Variants in METTL3 observed in about 807,000 individuals in gnomAD.
METTL3 encodes N(6)-adenosine-methyltransferase catalytic subunit METTL3.
In METTL3, 42 loss-of-function variants were observed where a neutral mutation model predicts 64.3. The ratio of observed to expected loss-of-function variants is 0.65; its 90% CI spans 0.51 to 0.84. The LOEUF is 0.84. METTL3 is among the 40% of genes least tolerant of loss of function. The pLI, the probability that METTL3 is intolerant of heterozygous loss-of-function variation, is 0.00. For missense variants in METTL3, 435 were observed against 722.3 expected (o/e 0.60, Z 4.56); for synonymous variants, 256 against 263.6 (o/e 0.97, Z 0.28).
chr14:21,507,835 A>G (rs1287343575), intron 1 of METTL3: 1 of 152,226 alleles, frequency 6.6e-6, no homozygotes, highest in African/African-American at 2.4e-5. Context: ...TAACACAGAA[A>G]GAACAGTGAC....
Position 21,501,075 on chromosome 14 carries a change from A to G in METTL3, c.954T>C (p.Asn318=), listed in dbSNP as rs969614312. 7 of 1,614,032 alleles carry G rather than the reference A, an allele frequency of 4.3e-6. No homozygotes were observed. The highest frequency in any genetic ancestry group is 2.2e-5 in the East Asian group (1 of 44,902). ...TGCAGGTATCCATGTGGAAACATGT[A>G]TTAAGGAAAGAGCAGTCACCTAAAG... is the stretch of plus-strand genomic sequence containing the variant. ...DESLGDCSFL[N]TCFHMDTCKY... is the part of the protein sequence containing the mutation. Residue 318 remains asparagine (N), a synonymous_variant, in exon 5 of 11, where the codon AAT becomes AAC. Transcript: ENST00000298717.
In METTL3 at chr14:21,503,433, CAG is replaced by C; in HGVS notation, c.461_462del (p.Ser154CysfsTer68). The C allele has an allele frequency of 6.2e-7, 1 of 1,614,118 alleles. No homozygotes were observed. The highest frequency in any genetic ancestry group is 8.5e-7 in the Non-Finnish European group (1 of 1,180,034). On this transcript the variant is annotated frameshift_variant, in exon 3 of 11. Transcript: ENST00000298717. LOFTEE classifies it high-confidence loss of function. ...TTTTCTGCCACAGCACCCATCATGG[CAG>C]AGAGCTTGGAATGGTCAGCATAGGT... ...LVTYADHSKL[S>X]AMMGAVAEKK...
chr14:21,503,318 G>A lies in METTL3; in HGVS notation c.578C>T (p.Ser193Leu), dbSNP rs990906526. Residue 193 changes from serine (S) to leucine (L), a missense_variant, in exon 3 of 11, where the codon TCG becomes TTG. Transcript: ENST00000298717. ...DSTTVAAFAS[S>L]LVSGLNSSAS... ...TGAAGAGTTCAGACCAGAGACTAAC[G>A]AACTGGCAAAGGCAGCTACTGTAGT... The A allele has an allele frequency of 2.0e-5, 32 of 1,614,062 alleles. No individual in the cohort carries two copies. Among genetic ancestry groups the A allele is most frequent in the Middle Eastern group, 1.6e-4 (1 of 6,062 alleles).
intron 10 of METTL3, 145 bp downstream of exon 10, chr14:21,498,880 A>G (rs1313362905): frequency 3.2e-6 from 2 of 624,066 alleles, no homozygotes; most frequent in Admixed American, 5.8e-5. Context: ...CTCATAAAAC[A>G]GTTTAAATAC....
At chr14:21,503,926 G>A in intron 1 of METTL3, 45 bp from the exon 2 acceptor site, 1 of 1,565,760 alleles carries the variant, frequency 6.4e-7, no homozygotes, top group Non-Finnish European at 8.8e-7. Flanking sequence ...AACCACTGTT[G>A]GTCTATATAT....
At chr14:21,501,503 A>T in intron 4 of METTL3, 1 of 599,972 alleles carries the variant, frequency 1.7e-6, no homozygotes. Context: ...TGCTATTCTA[A>T]GAGGGAGGGA....
At chr14:21,499,266 A>C in intron 9 of METTL3, 40 bp downstream of exon 9, 4 of 1,612,894 alleles carry the variant, frequency 2.5e-6, no homozygotes, top group Non-Finnish European at 3.4e-6. Flanking sequence ...ACTGATACCA[A>C]CAAAAATGTG....
chr14:21,502,110 C>A (rs1405085195), intron 3 of METTL3, among the ~76,000 whole-genome samples: 1 of 151,024 alleles, frequency 6.6e-6, no homozygotes, highest in Non-Finnish European at 1.5e-5. Context: ...CCACTGAACT[C>A]CCAGGCTCAA....
Position 21,499,491 on chromosome 14 carries a change from CCAAG to C in METTL3, c.1449_1452del (p.Cys483TrpfsTer19). On this transcript the variant is annotated frameshift_variant and splice_region_variant, in exon 8 of 11. Transcript: ENST00000298717. LOFTEE classifies it high-confidence loss of function. ...TTGAATTGGGCCCCACTGCTGCTCA[CCAAG>C]CAGTGTTCCTTCCCATGGTTCAACC... is the stretch of plus-strand genomic sequence containing the variant. The C allele has an allele frequency of 6.2e-7, 1 of 1,611,516 alleles. No homozygotes were observed. Among genetic ancestry groups the C allele is most frequent in the Non-Finnish European group, 8.5e-7 (1 of 1,177,604 alleles).
At chr14:21,508,958 G>C (rs1284939283) in intron 1 of METTL3, among the ~76,000 whole-genome samples, 1 of 152,184 alleles carries the variant, frequency 6.6e-6, no homozygotes, top group Non-Finnish European at 1.5e-5. Flanking sequence ...CAACACCACA[G>C]ATAGAGGATG....
chr14:21,507,307 C>G (rs1891721965), intron 1 of METTL3, among the ~76,000 whole-genome samples: 2 of 152,096 alleles, frequency 1.3e-5, no homozygotes, highest in African/African-American at 4.8e-5. Context: ...ATTTTATATC[C>G]TTGTCTTTTG....
intron 4 of METTL3, 166 bp downstream of exon 4, chr14:21,501,562 T>A: frequency 1.2e-6 from 1 of 840,312 alleles, no homozygotes; most frequent in East Asian, 2.7e-5. Flanking sequence ...CCTGTATTCT[T>A]CCCACACAAT....
chr14:21,498,486 T>C (rs887141181), intron 10 of METTL3, 117 bp from the exon 11 acceptor site: 1 of 911,596 alleles, frequency 1.1e-6, no homozygotes, highest in African/African-American at 1.7e-5. Context: ...ATGCCAATTC[T>C]AAAAAGAGCT....
Position 21,498,775 on chromosome 14 carries a change from G to A in METTL3, c.1631+250C>T, listed in dbSNP as rs112325189. The A allele has an allele frequency of 1.6e-5, 8 of 502,184 alleles. No individual in the cohort carries two copies. The Admixed American group carries it at 2.8e-4, about 18-fold the overall frequency. 31.1% of individuals were successfully genotyped at this position (502,184 alleles called of 1,614,324 possible). A position where few individuals can be genotyped will look rare whatever the true frequency, so the allele number is the denominator to read the frequency against. On this transcript the variant is annotated intron_variant, in intron 10 of 10. Transcript: ENST00000298717. ...ATTCAATACATCACAGAATGGCTGAGGAAGATCCTTGGGTTGTGAAGAGAG... is the reference window on the plus strand; with the variant it reads ...ATTCAATACATCACAGAATGGCTGAAGAAGATCCTTGGGTTGTGAAGAGAG...
At chr14:21,505,007 A>C (rs968681897) in intron 1 of METTL3, 1 of 152,130 alleles carries the variant, frequency 6.6e-6, no homozygotes, top group Non-Finnish European at 1.5e-5. Context: ...TGAATTTATT[A>C]AAATCTGACT....
intron 6 of METTL3, among the ~76,000 whole-genome samples, chr14:21,500,141 C>A (rs1165502638): frequency 1.3e-5 from 2 of 152,072 alleles, no homozygotes; most frequent in Non-Finnish European, 2.9e-5. Context: ...GAGTGGATCA[C>A]AAGGTCAGGA....
Position 21,511,321 on chromosome 14 carries a change from C to T in METTL3, c.-98G>A, listed in dbSNP as rs1891834444. The T allele has an allele frequency of 2.7e-6, 4 of 1,480,872 alleles. No individual in the cohort carries two copies. The highest frequency in any genetic ancestry group is 1.8e-4 in the Middle Eastern group (1 of 5,636). 91.7% of individuals were successfully genotyped at this position (1,480,872 alleles called of 1,614,324 possible). A position where few individuals can be genotyped will look rare whatever the true frequency, so the allele number is the denominator to read the frequency against. The stretch of plus-strand genomic sequence containing the variant: ...TATAGCCAATTCTCACGCGGACACC[C>T]CGAAGGCTAACCGGAAAATGACCCC... On this transcript the variant is annotated 5_prime_UTR_variant, in exon 1 of 11. Transcript: ENST00000298717.
At chr14:21,510,892 GC>G (rs1891817918) in intron 1 of METTL3, 1 of 506,808 alleles carries the variant, frequency 2.0e-6, no homozygotes, top group Non-Finnish European at 3.5e-6. Context: ...TGGGGCTCAA[GC>G]GTCCGTCCGG....
At position 21,511,292 on chromosome 14, in the gene METTL3, A is replaced by G. The variant is rs1891833196; in HGVS notation, c.-69T>C. 2 of 1,552,922 alleles carry G rather than the reference A, an allele frequency of 1.3e-6. No homozygotes were observed. Among genetic ancestry groups the G allele is most frequent in the Non-Finnish European group, 8.7e-7 (1 of 1,148,804 alleles). ...ACTAGCACCTCCCAGCACTCGCTCCAGGATATAGCCAATTCTCACGCGGAC... is the reference window on the plus strand; with the variant it reads ...ACTAGCACCTCCCAGCACTCGCTCCGGGATATAGCCAATTCTCACGCGGAC... On this transcript the variant is annotated 5_prime_UTR_variant, in exon 1 of 11. Transcript: ENST00000298717.
Sources: gnomAD v4.1 joint callset for allele counts (sites outside exome capture counted in the v4.1 genomes callset) on GRCh38, gnomAD v4.1.1 for gene constraint, MANE v1.5 for transcripts, NCBI Gene and HGNC (gene_info 2026-07-23, HGNC 2026-07-21) for gene names.